The following DOCK1 variants were observed in gnomAD, a reference collection of about 807,000 sequenced individuals.
DOCK1 encodes dedicator of cytokinesis protein 1.
Under a neutral mutation model 262.7 loss-of-function variants are expected in DOCK1, and 138 were observed. That is an observed-to-expected ratio of 0.53 (90% CI 0.46 to 0.61). The LOEUF is 0.61. Ranked by LOEUF, DOCK1 falls within the 20% of genes least tolerant of loss-of-function variation. The pLI is 0.00. For synonymous variants in DOCK1, 866 were observed against 867.4 expected, an observed-to-expected ratio of 1.00 and a Z score of 0.03; for missense variants, 1,908 against 2,370.7, an observed-to-expected ratio of 0.80 and a Z score of 4.05.
chr10:127,265,237 A>T (rs1590196071), intron 29 of DOCK1, among the ~76,000 whole-genome samples: 1 of 152,212 alleles, frequency 6.6e-6, no homozygotes, highest in South Asian at 2.1e-4. Context: ...AACATCAGAG[A>T]TTGTCAGTCA....
At chr10:127,070,230 G>T in intron 23 of DOCK1, among the ~76,000 whole-genome samples, 1 of 148,292 alleles carries the variant, frequency 6.7e-6, no homozygotes, top group African/African-American at 2.5e-5. Flanking sequence ...GGTCCCAAGG[G>T]TTGGAACTTG....
At chr10:127,152,092 T>A (rs1273882540) in intron 27 of DOCK1, among the ~76,000 whole-genome samples, 1 of 152,174 alleles carries the variant, frequency 6.6e-6, no homozygotes, top group Non-Finnish European at 1.5e-5. Context: ...GAACCTACCC[T>A]GGATGTCTTG....
At chr10:127,346,950 G>A (rs555779268) in intron 31 of DOCK1, among the ~76,000 whole-genome samples, 1 of 152,324 alleles carries the variant, frequency 6.6e-6, no homozygotes, top group Non-Finnish European at 1.5e-5. Flanking sequence ...GAGGTGACAG[G>A]AGATCCAGGA....
chr10:127,353,431 C>T (rs571430327), intron 31 of DOCK1, among the ~76,000 whole-genome samples: 1 of 152,184 alleles, frequency 6.6e-6, no homozygotes, highest in Non-Finnish European at 1.5e-5. Context: ...AGGGCGCTTT[C>T]CTCTCTCCCA....
intron 23 of DOCK1, among the ~76,000 whole-genome samples, chr10:127,103,324 AAG>A (rs1262027382): frequency 8.5e-5 from 13 of 152,234 alleles, no homozygotes; most frequent in African/African-American, 2.9e-4. Flanking sequence ...GCAGCAGAGA[AAG>A]AGTTTTAATC....
In DOCK1 at chr10:127,135,060, G is replaced by A. The variant is rs1233458193; in HGVS notation, c.2847+7296G>A. Among the ~76,000 whole-genome samples the A allele has an allele frequency of 3.3e-5, 5 of 152,336 alleles. No individual in the cohort carries two copies. In the East Asian group the frequency reaches 9.6e-4, roughly 29 times the overall value. On this transcript the variant is annotated intron_variant, in intron 27 of 51. Transcript: ENST00000623213. ...GAAGCTACCTCCCCTGGGCCATGGA[G>A]GCAAGATTTACATGCCACAGTGTAC...
intron 27 of DOCK1, among the ~76,000 whole-genome samples, chr10:127,156,198 GT>G (rs754747039): frequency 4.1e-4 from 62 of 152,262 alleles, no homozygotes; most frequent in Admixed American, 7.2e-4. Flanking sequence ...CAGTGTCCAA[GT>G]TTCCCAGTGC....
Position 127,334,621 on chromosome 10 carries a change from G to C in DOCK1, c.3045-4385G>C, listed in dbSNP as rs2063118299. On this transcript the variant is annotated intron_variant, in intron 29 of 51. Coordinates refer to ENST00000623213, the MANE Select transcript of DOCK1 (RefSeq NM_001290223.2). ...CCTTACGGCTTTTTGAATCTTTTTA[G>C]GTTGACATAATTTGCCTGTGATTCT... 1.3e-5 allele frequency among the ~76,000 whole-genome samples: 2 copies of C among 152,014 alleles called. 1 individual carries two copies. The highest frequency in any genetic ancestry group is 4.1e-4 in the South Asian group (2 of 4,822).
chr10:127,444,196 C>T lies in DOCK1; in HGVS notation c.5330C>T (p.Ser1777Leu), dbSNP rs41314432. ...MNVIGSERRF[S>L]VSPSSPSSQQ... is the part of the protein sequence containing the mutation. Reference sequence around the variant, plus strand: ...GTCATTGGAAGCGAAAGGCGCTTCTCGGTGTCCCCCTCGTCACCGTCCTCC... The same window carrying T: ...GTCATTGGAAGCGAAAGGCGCTTCTTGGTGTCCCCCTCGTCACCGTCCTCC... The change falls in exon 50 of 52, where the codon TCG becomes TTG. Residue 1777 changes from serine (S) to leucine (L), a missense_variant. Physicochemically the swap from Ser to Leu is moderately radical, Grantham distance 145. Transcript: ENST00000623213. 11,629 of 1,607,938 alleles carry T rather than the reference C, an allele frequency of 7.2e-3. 54 individuals are homozygous for T. Among genetic ancestry groups the T allele is most frequent in the Non-Finnish European group, 8.1e-3 (9,519 of 1,177,856 alleles).
intron 23 of DOCK1, among the ~76,000 whole-genome samples, chr10:127,089,221 G>C (rs2047373258): frequency 6.6e-6 from 1 of 152,170 alleles, no homozygotes; most frequent in African/African-American, 2.4e-5. Flanking sequence ...CTCTGCTCCT[G>C]TTGGCCTTCT....
intron 38 of DOCK1, among the ~76,000 whole-genome samples, chr10:127,395,020 G>C (rs1031028787): frequency 2.0e-5 from 3 of 152,190 alleles, no homozygotes; most frequent in African/African-American, 4.8e-5. Flanking sequence ...GTAAAATTAA[G>C]TTTGCCAGAT....
At chr10:127,297,758 G>A (rs1363716002) in intron 29 of DOCK1, among the ~76,000 whole-genome samples, 2 of 152,114 alleles carry the variant, frequency 1.3e-5, no homozygotes, top group Non-Finnish European at 2.9e-5. Context: ...GGAAGCCCTT[G>A]TGATGAAAAT....
At chr10:126,953,431 C>T (rs999916220) in intron 1 of DOCK1, among the ~76,000 whole-genome samples, 27 of 139,978 alleles carry the variant, frequency 1.9e-4, no homozygotes, top group African/African-American at 5.9e-4. Context: ...GTATTGTTAT[C>T]GGTGGTGATG....
At chr10:127,019,479 T>G (rs1160694864) in intron 13 of DOCK1, among the ~76,000 whole-genome samples, 1 of 152,184 alleles carries the variant, frequency 6.6e-6, no homozygotes, top group African/African-American at 2.4e-5. Context: ...CAGGGCGTAG[T>G]GGCTCATGCC....
intron 29 of DOCK1, among the ~76,000 whole-genome samples, chr10:127,285,593 C>T (rs942892407): frequency 6.6e-6 from 1 of 152,168 alleles, no homozygotes; most frequent in Non-Finnish European, 1.5e-5. Flanking sequence ...TGCTGAGGAC[C>T]CTAGATGCAC....
chr10:127,424,354 C>T (rs1191528471), intron 46 of DOCK1, among the ~76,000 whole-genome samples: 1 of 152,200 alleles, frequency 6.6e-6, no homozygotes, highest in African/African-American at 2.4e-5. Flanking sequence ...CCTTCTTTGA[C>T]AGAAAGAATC....
chr10:127,269,297 GT>G lies in DOCK1; in HGVS notation c.3044+11869del, dbSNP rs544769234. Among the ~76,000 whole-genome samples the G allele has an allele frequency of 1.2e-3, 186 of 152,292 alleles. 2 individuals carry two copies. Among genetic ancestry groups the G allele is most frequent in the African/African-American group, 4.1e-3 (169 of 41,550 alleles). On this transcript the variant is annotated intron_variant, in intron 29 of 51. Transcript: ENST00000623213. ...TTTTATGAAGATGACATGATAGTGTGTCATTGTCCCTCTGAATCTGAGAATT... is the reference window on the plus strand; with the variant it reads ...TTTTATGAAGATGACATGATAGTGTGCATTGTCCCTCTGAATCTGAGAATT...
At chr10:127,063,526 G>T (rs2135846130) in intron 23 of DOCK1, among the ~76,000 whole-genome samples, 1 of 152,202 alleles carries the variant, frequency 6.6e-6, no homozygotes, top group East Asian at 1.9e-4. Context: ...AGAAAGAAAT[G>T]TAGGTGGTGC....
intron 28 of DOCK1, among the ~76,000 whole-genome samples, 196 bp from the exon 29 acceptor site, chr10:127,257,139 G>C (rs74921069): frequency 1.2e-4 from 18 of 152,274 alleles, no homozygotes; most frequent in African/African-American, 4.3e-4. Context: ...TGAAGAAGCC[G>C]TCTCAGACAG....
Sources: allele counts gnomAD v4.1 joint callset (sites outside exome capture counted in the v4.1 genomes callset), GRCh38; gene constraint gnomAD v4.1.1; transcripts MANE v1.5; gene names NCBI Gene and HGNC (gene_info 2026-07-23, HGNC 2026-07-21).